The following CNTN4 variants were observed in gnomAD, a reference collection of about 807,000 sequenced individuals.
CNTN4 encodes the protein contactin 4, also known as contactin-4.
In CNTN4, 77 loss-of-function variants were observed where a neutral mutation model predicts 122.5. That is an observed-to-expected ratio of 0.63 (90% CI 0.52 to 0.76). The LOEUF is 0.76. Among genes scored for constraint, CNTN4 ranks in the 30% least tolerant of loss-of-function variants. The pLI, the probability that CNTN4 is intolerant of heterozygous loss-of-function variation, is 0.00. For missense variants in CNTN4, 1,256 were observed against 1,259.1 expected, an observed-to-expected ratio of 1.00 and a Z score of 0.04; for synonymous variants, 512 against 447.0, an observed-to-expected ratio of 1.15 and a Z score of -1.83.
At chr3:2,304,736 T>G (rs1185310545) in intron 2 of CNTN4, among the ~76,000 whole-genome samples, 1 of 151,080 alleles carries the variant, frequency 6.6e-6, no homozygotes, top group East Asian at 2.0e-4. Flanking sequence ...AGAAGGAGCT[T>G]TCTCTAAGCC....
intron 7 of CNTN4, among the ~76,000 whole-genome samples, chr3:2,853,689 A>C (rs1029908514): frequency 1.2e-4 from 18 of 152,194 alleles, no homozygotes; most frequent in African/African-American, 3.4e-4. Context: ...CCAGCTTGTC[A>C]AAAATACATT....
chr3:2,237,591 A>G (rs1055034890), intron 2 of CNTN4, among the ~76,000 whole-genome samples: 2 of 152,206 alleles, frequency 1.3e-5, no homozygotes, highest in Non-Finnish European at 2.9e-5. Context: ...TAAAAGCTTT[A>G]TAATTGTTGT....
chr3:2,868,363 C>A (rs1252405842), intron 8 of CNTN4, among the ~76,000 whole-genome samples: 4 of 152,164 alleles, frequency 2.6e-5, no homozygotes, highest in Admixed American at 2.0e-4. Flanking sequence ...ATCTTAAACC[C>A]TCACAGTGCT....
chr3:3,037,505 G>C (rs1699716463), intron 18 of CNTN4, 177 bp downstream of exon 18: 1 of 815,260 alleles, frequency 1.2e-6, no homozygotes, highest in Non-Finnish European at 2.0e-6. Flanking sequence ...ACACGCAACG[G>C]GTTTCAATCA....
At chr3:2,178,954 T>C (rs2036883605) in intron 2 of CNTN4, among the ~76,000 whole-genome samples, 1 of 152,056 alleles carries the variant, frequency 6.6e-6, no homozygotes, top group Admixed American at 6.6e-5. Flanking sequence ...AGGTTGGAAC[T>C]GAGTAAAGTA....
intron 2 of CNTN4, among the ~76,000 whole-genome samples, chr3:2,245,997 C>T (rs1027299913): frequency 6.6e-6 from 1 of 151,954 alleles, no homozygotes; most frequent in African/African-American, 2.4e-5. Flanking sequence ...CTCTACCTTA[C>T]ACTCTCACAT....
chr3:2,531,463 G>A (rs1378795238), intron 3 of CNTN4, among the ~76,000 whole-genome samples: 2 of 152,138 alleles, frequency 1.3e-5, no homozygotes, highest in Non-Finnish European at 2.9e-5. Context: ...CAACCAGGGA[G>A]GCAGTGAGTC....
At chr3:2,492,951 G>C (rs1428348361) in intron 3 of CNTN4, among the ~76,000 whole-genome samples, 2 of 152,004 alleles carry the variant, frequency 1.3e-5, no homozygotes, top group African/African-American at 4.8e-5. Flanking sequence ...TTAATTCTAT[G>C]AACATAAAAA....
At chr3:2,698,764 G>A (rs1436758439) in intron 4 of CNTN4, among the ~76,000 whole-genome samples, 10 of 152,254 alleles carry the variant, frequency 6.6e-5, no homozygotes, top group Admixed American at 6.5e-4. Context: ...TTAAGAGCCT[G>A]GCCAACACTT....
intron 4 of CNTN4, among the ~76,000 whole-genome samples, chr3:2,659,323 G>A (rs1408782276): frequency 6.6e-6 from 1 of 151,820 alleles, no homozygotes; most frequent in East Asian, 1.9e-4. Flanking sequence ...TTAGCCAGGT[G>A]TAATGGTACA....
chr3:2,810,565 T>G (rs57343796), intron 6 of CNTN4, among the ~76,000 whole-genome samples: 8,041 of 152,240 alleles, frequency 0.053, 710 homozygotes, highest in African/African-American at 0.18. Context: ...CTCATCCAGT[T>G]TTTTAAGTCA....
At chr3:2,570,996 G>C (rs1419272994) in intron 3 of CNTN4, among the ~76,000 whole-genome samples, 5 of 152,148 alleles carry the variant, frequency 3.3e-5, no homozygotes, top group African/African-American at 1.2e-4. Flanking sequence ...GAAAAATTGG[G>C]AATTTCTACC....
chr3:2,142,396 A>T (rs1038582754), intron 2 of CNTN4, among the ~76,000 whole-genome samples: 2 of 147,120 alleles, frequency 1.4e-5, no homozygotes, highest in African/African-American at 5.1e-5. Flanking sequence ...ATGGCATCTC[A>T]TTCTGTCGCC....
chr3:2,808,161 C>G (rs976689780), intron 6 of CNTN4, among the ~76,000 whole-genome samples: 1 of 152,120 alleles, frequency 6.6e-6, no homozygotes, highest in Non-Finnish European at 1.5e-5. Flanking sequence ...TTTTTCATGA[C>G]CAATTGTATG....
chr3:2,704,441 A>G (rs904151425), intron 4 of CNTN4, among the ~76,000 whole-genome samples: 8 of 152,156 alleles, frequency 5.3e-5, no homozygotes, highest in Admixed American at 3.3e-4. Context: ...AGTAAAATCA[A>G]TTTAAAAAAT....
chr3:2,656,083 G>A (rs541697763), intron 4 of CNTN4, among the ~76,000 whole-genome samples: 2 of 152,310 alleles, frequency 1.3e-5, no homozygotes, highest in East Asian at 1.9e-4. Context: ...AATTGTAACC[G>A]TATTTGGCGA....
At chr3:2,452,815 A>G (rs966164781) in intron 3 of CNTN4, among the ~76,000 whole-genome samples, 3 of 152,052 alleles carry the variant, frequency 2.0e-5, no homozygotes, top group African/African-American at 7.2e-5. Context: ...ATACAAAACA[A>G]TGTCAGGGAA....
At chr3:3,025,388 T>C (rs1411282998) in intron 14 of CNTN4, among the ~76,000 whole-genome samples, 2 of 152,156 alleles carry the variant, frequency 1.3e-5, no homozygotes, top group Non-Finnish European at 2.9e-5. Flanking sequence ...CCAACTAGTT[T>C]CAAAATGGTT....
chr3:2,891,839 C>A (rs753621484), intron 10 of CNTN4, among the ~76,000 whole-genome samples: 1 of 152,060 alleles, frequency 6.6e-6, no homozygotes. Flanking sequence ...GAGGGTGACT[C>A]GATTTGATTA....
Sources: allele counts gnomAD v4.1 joint callset (sites outside exome capture counted in the v4.1 genomes callset), GRCh38; gene constraint gnomAD v4.1.1; transcripts MANE v1.5; gene names NCBI Gene and HGNC (gene_info 2026-07-23, HGNC 2026-07-21).